Variants in GPR83 observed in about 807,000 individuals in gnomAD.
GPR83 encodes the protein G-protein coupled receptor 72.
In GPR83, 23 loss-of-function variants were observed where a neutral mutation model predicts 28.0. The ratio of observed to expected loss-of-function variants is 0.82; its 90% CI spans 0.59 to 1.16. The LOEUF (loss-of-function observed/expected upper bound fraction) is 1.16, where lower values mean the gene tolerates loss of function less well. GPR83 is among the 50% of genes most tolerant of loss of function. The pLI is 0.00. For missense variants in GPR83, 610 were observed against 536.6 expected, an observed-to-expected ratio of 1.14 and a Z score of -1.35; for synonymous variants, 234 against 215.4, an observed-to-expected ratio of 1.09 and a Z score of -0.76.
At chr11:94,396,591 C>A (rs933188341) in intron 1 of GPR83, 67 bp from the exon 2 acceptor site, 2 of 1,543,030 alleles carry the variant, frequency 1.3e-6, no homozygotes, top group Non-Finnish European at 1.8e-6. Context: ...CCCTAGAGGT[C>A]TCTGAGGAGC....
intron 1 of GPR83, among the ~76,000 whole-genome samples, chr11:94,397,372 G>A (rs1449260552): frequency 6.6e-6 from 1 of 152,206 alleles, no homozygotes; most frequent in Non-Finnish European, 1.5e-5. Context: ...GCAGAGGCGG[G>A]CTCAACTCAA....
chr11:94,378,474 G>A lies in GPR83; in HGVS notation c.*1675C>T, dbSNP rs1272933135. On this transcript the variant is annotated 3_prime_UTR_variant, in exon 4 of 4. Transcript: ENST00000243673. ...TTCTGCCTGACAGGTCTCTTTTCTGGGTGACACAGTGAGTCACTCAGGACC... is the reference window on the plus strand; with the variant it reads ...TTCTGCCTGACAGGTCTCTTTTCTGAGTGACACAGTGAGTCACTCAGGACC... The A allele has an allele frequency of 6.6e-6, 1 of 152,110 alleles. No homozygotes were observed. Among genetic ancestry groups the A allele is most frequent in the East Asian group, 1.9e-4 (1 of 5,194 alleles). 9.4% of individuals were successfully genotyped at this position (152,110 alleles called of 1,614,324 possible).
rs1486028995 is a variant in GPR83, at chr11:94,379,118, T to A, written c.*1031A>T. 6.6e-6 allele frequency: 1 copy of A among 152,316 alleles called. No individual in the cohort carries two copies. Among genetic ancestry groups the A allele is most frequent in the Non-Finnish European group, 1.5e-5 (1 of 68,188 alleles). The allele number at this position is 152,316 out of a possible 1,614,324, so 9.4% of individuals were successfully genotyped here. A position where few individuals can be genotyped will look rare whatever the true frequency, so the allele number is the denominator to read the frequency against. On this transcript the variant is annotated 3_prime_UTR_variant, in exon 4 of 4. Coordinates refer to ENST00000243673, the MANE Select transcript of GPR83 (RefSeq NM_016540.4). ...CGGGCGGGGTGGCTCACGCCTGTAA[T>A]CCCAACACTTTGGGAGGCCTAGGCA...
intron 3 of GPR83, among the ~76,000 whole-genome samples, chr11:94,383,127 G>A (rs1944711155): frequency 6.6e-6 from 1 of 151,398 alleles, no homozygotes; most frequent in African/African-American, 2.4e-5. Context: ...CTCCAGCCTG[G>A]GCGACAGAGT....
At chr11:94,381,204 G>A (rs1225924930) in intron 3 of GPR83, among the ~76,000 whole-genome samples, 3 of 152,162 alleles carry the variant, frequency 2.0e-5, no homozygotes, top group Non-Finnish European at 4.4e-5. Flanking sequence ...CATATGAGTG[G>A]TAAAGCCTGA....
At chr11:94,393,898 C>G (rs1378450054) in intron 2 of GPR83, among the ~76,000 whole-genome samples, 3 of 152,136 alleles carry the variant, frequency 2.0e-5, no homozygotes, top group African/African-American at 7.2e-5. Flanking sequence ...GTCAAGCACC[C>G]CTTATGTTCA....
chr11:94,380,073 T>C lies in GPR83; in HGVS notation c.*76A>G. ...GAGTGTGTTTCCAGCACTCTGAAGA[T>C]CATGTGTGAGAATAGGCTCTCTTTC... On this transcript the variant is annotated 3_prime_UTR_variant, in exon 4 of 4. Transcript: ENST00000243673. The C allele has an allele frequency of 8.5e-7, 1 of 1,182,424 alleles. No homozygotes were observed. The highest frequency in any genetic ancestry group is 1.9e-5 in the South Asian group (1 of 53,338). 73.2% of individuals were successfully genotyped at this position (1,182,424 alleles called of 1,614,324 possible).
chr11:94,384,182 T>C (rs896641190), intron 3 of GPR83, among the ~76,000 whole-genome samples: 2 of 152,048 alleles, frequency 1.3e-5, no homozygotes, highest in Admixed American at 6.5e-5. Flanking sequence ...TGGTTCAACA[T>C]ATGCAAATCA....
At chr11:94,381,414 G>A (rs941482535) in intron 3 of GPR83, among the ~76,000 whole-genome samples, 1 of 152,114 alleles carries the variant, frequency 6.6e-6, no homozygotes, top group East Asian at 1.9e-4. Flanking sequence ...TGGAAAGGTA[G>A]AAGGGCAGCC....
chr11:94,394,638 A>G (rs986559812), intron 2 of GPR83, among the ~76,000 whole-genome samples: 1 of 152,000 alleles, frequency 6.6e-6, no homozygotes, highest in Non-Finnish European at 1.5e-5. Flanking sequence ...CTTTTTTTTA[A>G]TTCCTCCCAA....
Position 94,401,369 on chromosome 11 carries a change from G to T in GPR83, c.-122C>A. 1 of 949,842 alleles carries T rather than the reference G, an allele frequency of 1.1e-6. No individual in the cohort carries two copies. Among genetic ancestry groups the T allele is most frequent in the Non-Finnish European group, 1.5e-6 (1 of 686,952 alleles). The allele number at this position is 949,842 out of a possible 1,614,324, so 58.8% of individuals were successfully genotyped here. ...CAAGGCCGTCCCGAGGAGCCAGGGAGCCCGGACGCGCGGAGCACCGCGCCG... is the reference window on the plus strand; with the variant it reads ...CAAGGCCGTCCCGAGGAGCCAGGGATCCCGGACGCGCGGAGCACCGCGCCG... On this transcript the variant is annotated 5_prime_UTR_variant, in exon 1 of 4. Coordinates refer to ENST00000243673, the MANE Select transcript of GPR83 (RefSeq NM_016540.4).
intron 3 of GPR83, among the ~76,000 whole-genome samples, chr11:94,385,368 GAGA>G (rs774025650): frequency 7.9e-5 from 12 of 152,280 alleles, no homozygotes; most frequent in Non-Finnish European, 1.5e-4. Flanking sequence ...GATGAGCTGA[GAGA>G]AGAAGGCTTC....
intron 3 of GPR83, among the ~76,000 whole-genome samples, chr11:94,392,988 A>G (rs566075024): frequency 1.1e-4 from 17 of 152,108 alleles, no homozygotes; most frequent in Non-Finnish European, 2.4e-4. Context: ...CACCTAATGA[A>G]CCAGTTGAAG....
chr11:94,379,492 A>G lies in GPR83; in HGVS notation c.*657T>C, dbSNP rs1944661075. On this transcript the variant is annotated 3_prime_UTR_variant, in exon 4 of 4. Coordinates refer to ENST00000243673, the MANE Select transcript of GPR83 (RefSeq NM_016540.4). The stretch of plus-strand genomic sequence containing the variant: ...ACAGATGTTATCACAAATGGATGGG[A>G]TAAGAGAGTGATTTTGTGTGTGTGT... 1 of 151,934 alleles carries G rather than the reference A, an allele frequency of 6.6e-6. No individual in the cohort carries two copies. Among genetic ancestry groups the G allele is most frequent in the Non-Finnish European group, 1.5e-5 (1 of 68,022 alleles). 9.4% of individuals were successfully genotyped at this position (151,934 alleles called of 1,614,324 possible).
chr11:94,387,509 C>T (rs1944772307), intron 3 of GPR83, among the ~76,000 whole-genome samples: 3 of 152,092 alleles, frequency 2.0e-5, no homozygotes, highest in Admixed American at 2.0e-4. Context: ...ACCACTAATC[C>T]CACAGAAATA....
chr11:94,395,794 G>A (rs567261144), intron 2 of GPR83, among the ~76,000 whole-genome samples: 3 of 152,324 alleles, frequency 2.0e-5, no homozygotes, highest in African/African-American at 7.2e-5. Flanking sequence ...TTTTCCGTCT[G>A]AACAGCCTGA....
intron 3 of GPR83, among the ~76,000 whole-genome samples, chr11:94,384,888 G>C (rs191372747): frequency 6.6e-6 from 1 of 152,206 alleles, no homozygotes. Flanking sequence ...TCTGAGAACG[G>C]ATAGACTGTC....
rs1397928840 is a variant in GPR83, at chr11:94,401,273, G to A, written c.-26C>T. On this transcript the variant is annotated 5_prime_UTR_variant, in exon 1 of 4. Coordinates refer to ENST00000243673, the MANE Select transcript of GPR83 (RefSeq NM_016540.4). ...TTTGCAGGAGCCACCCCTCCCCTGG[G>A]AGCCTGCGGGCCGGGCGTCCCCTCC... The A allele has an allele frequency of 2.6e-6, 4 of 1,556,348 alleles. No homozygotes were observed. In the South Asian group the frequency reaches 4.8e-5, roughly 19 times the overall value.
chr11:94,385,547 G>A (rs1591602334), intron 3 of GPR83, among the ~76,000 whole-genome samples: 2 of 152,214 alleles, frequency 1.3e-5, no homozygotes, highest in African/African-American at 4.8e-5. Flanking sequence ...ACTACGTGAT[G>A]AATGCACAAG....
Sources: allele counts gnomAD v4.1 joint callset (sites outside exome capture counted in the v4.1 genomes callset), GRCh38; gene constraint gnomAD v4.1.1; transcripts MANE v1.5; gene names NCBI Gene and HGNC (gene_info 2026-07-23, HGNC 2026-07-21).